Variants in PIK3R6 observed in about 807,000 individuals in gnomAD.
PIK3R6 encodes phosphoinositide 3-kinase regulatory subunit 6.
In PIK3R6, 91 loss-of-function variants were observed where a neutral mutation model predicts 84.9. The ratio of observed to expected loss-of-function variants is 1.07; its 90% CI spans 0.90 to 1.28. The LOEUF (loss-of-function observed/expected upper bound fraction) is 1.28. Among genes scored for constraint, PIK3R6 ranks in the 50% most tolerant of loss-of-function variants. The pLI is 0.00. For missense variants in PIK3R6, 996 were observed against 985.1 expected (o/e 1.01, Z -0.15); for synonymous variants, 416 against 411.4 (o/e 1.01, Z -0.13).
At chr17:8,864,853 C>T (rs754037454) in intron 1 of PIK3R6, among the ~76,000 whole-genome samples, 7 of 152,034 alleles carry the variant, frequency 4.6e-5, no homozygotes, top group Non-Finnish European at 8.8e-5. Flanking sequence ...CAGTTCCTGG[C>T]AGAGGGATGA....
At chr17:8,805,009 G>C (rs196449) in intron 18 of PIK3R6, among the ~76,000 whole-genome samples, 2,445 of 152,182 alleles carry the variant, frequency 0.016, 80 homozygotes, top group African/African-American at 0.056. Context: ...GAGTTGTTCA[G>C]TGTCATCTAG....
rs2089315713 is a variant in PIK3R6 at position 8,862,885 on chromosome 17, A to C, written c.-92+4644T>G. Among the ~76,000 whole-genome samples the C allele has an allele frequency of 6.6e-6, 1 of 152,114 alleles. No homozygotes were observed. Among genetic ancestry groups the C allele is most frequent in the Admixed American group, 6.5e-5 (1 of 15,278 alleles). ...GATGTCCTGTGGTCACTCCCCACCC[A>C]CTGTGCCCACTCACTTACACTGCCC... On this transcript the variant is annotated intron_variant, in intron 1 of 19. Transcript: ENST00000619866. The surrounding 1 kb of genome is among the most constrained non-coding windows in gnomAD (Gnocchi z 4.3).
chr17:8,849,933 G>A, intron 1 of PIK3R6, 48 bp from the exon 2 acceptor site: 2 of 1,157,202 alleles, frequency 1.7e-6, no homozygotes, highest in South Asian at 3.4e-5. Flanking sequence ...GGAAGGTGCA[G>A]AAAGCACCTT....
chr17:8,862,223 C>T lies in PIK3R6; in HGVS notation c.-92+5306G>A, dbSNP rs1034862159. Among the ~76,000 whole-genome samples the T allele has an allele frequency of 2.6e-5, 4 of 152,150 alleles. No homozygotes were observed. The highest frequency in any genetic ancestry group is 5.9e-5 in the Non-Finnish European group (4 of 68,028). On this transcript the variant is annotated intron_variant, in intron 1 of 19. Coordinates refer to ENST00000619866, the MANE Select transcript of PIK3R6 (RefSeq NM_001010855.4). The surrounding 1 kb of genome is among the most constrained non-coding windows in gnomAD (Gnocchi z 4.3). ...GGCTGCTGTCACTAAAATATAAGCT[C>T]CCCATGGGAAGGGGCTCCATTTTGC...
intron 8 of PIK3R6, 46 bp from the exon 9 acceptor site, chr17:8,833,091 C>A (rs138248130): frequency 1.3e-6 from 2 of 1,501,462 alleles, no homozygotes; most frequent in Non-Finnish European, 1.8e-6. Context: ...CCAGCGCCCA[C>A]GCACCCCAGC....
At chr17:8,804,014 A>G (rs1186737228) in intron 19 of PIK3R6, 27 bp downstream of exon 19, 27 of 1,584,740 alleles carry the variant, frequency 1.7e-5, no homozygotes, top group Non-Finnish European at 2.2e-5. Context: ...GGCCCTGGAC[A>G]TCTAGGGTTG....
At chr17:8,834,423 GTC>G (rs2088379515) in intron 8 of PIK3R6, among the ~76,000 whole-genome samples, 1 of 152,016 alleles carries the variant, frequency 6.6e-6, no homozygotes, top group South Asian at 2.1e-4. Context: ...GAGATGGGGT[GTC>G]TCTCTGTTAC....
At chr17:8,849,912 T>C (rs1479386057) in intron 1 of PIK3R6, 27 bp from the exon 2 acceptor site, 2 of 1,375,408 alleles carry the variant, frequency 1.5e-6, no homozygotes, top group Non-Finnish European at 9.9e-7. Flanking sequence ...AGTTAATTAG[T>C]GGAAGCAGTG....
At chr17:8,812,599 G>T (rs1464983314) in intron 18 of PIK3R6, among the ~76,000 whole-genome samples, 1 of 151,958 alleles carries the variant, frequency 6.6e-6, no homozygotes, top group South Asian at 2.1e-4. Flanking sequence ...AACACCAAGA[G>T]GAACCCTCAA....
At chr17:8,829,343 CACAG>C (rs930043393) in intron 10 of PIK3R6, among the ~76,000 whole-genome samples, 8 of 141,626 alleles carry the variant, frequency 5.6e-5, no homozygotes, top group African/African-American at 8.0e-5. Context: ...TGCAAGCACA[CACAG>C]ACACACTGAC....
intron 1 of PIK3R6, among the ~76,000 whole-genome samples, chr17:8,856,315 A>C (rs1174845180): frequency 6.6e-6 from 1 of 152,188 alleles, no homozygotes; most frequent in Admixed American, 6.5e-5. Flanking sequence ...CAAAATCAAG[A>C]TATTGGTCAG....
At chr17:8,837,914 A>G (rs774459496) in intron 4 of PIK3R6, 43 bp from the exon 5 acceptor site, 10 of 1,557,526 alleles carry the variant, frequency 6.4e-6, no homozygotes, top group Non-Finnish European at 8.9e-6. Flanking sequence ...GGCTGGGGGA[A>G]TCCCCACTTC....
At chr17:8,819,689 T>TATATATATATATATATAC (rs374733654) in intron 17 of PIK3R6, among the ~76,000 whole-genome samples, 1 of 135,886 alleles carries the variant, frequency 7.4e-6, no homozygotes, top group African/African-American at 2.9e-5. Flanking sequence ...TATATATATA[T>TATATATATATATATATAC]ACACACACAC....
intron 13 of PIK3R6, among the ~76,000 whole-genome samples, 189 bp from the exon 14 acceptor site, chr17:8,823,686 C>A (rs2151215630): frequency 6.6e-6 from 1 of 152,296 alleles, no homozygotes; most frequent in East Asian, 1.9e-4. Context: ...CTGTCCAGAG[C>A]CCTGCCTCCC....
intron 18 of PIK3R6, among the ~76,000 whole-genome samples, chr17:8,812,181 A>G (rs1048715749): frequency 2.0e-5 from 3 of 152,198 alleles, no homozygotes; most frequent in African/African-American, 7.2e-5. Flanking sequence ...AGAACAGCAC[A>G]GGAAAGACCT....
intron 9 of PIK3R6, among the ~76,000 whole-genome samples, chr17:8,831,812 G>T (rs139849323): frequency 2.0e-5 from 3 of 152,174 alleles, no homozygotes; most frequent in Admixed American, 6.5e-5. Context: ...GAATGACCAC[G>T]AAATAGGACC....
intron 1 of PIK3R6, among the ~76,000 whole-genome samples, chr17:8,863,986 G>A (rs2089343709): frequency 6.6e-6 from 1 of 152,218 alleles, no homozygotes; most frequent in Admixed American, 6.5e-5. Flanking sequence ...GGTGCCCAGT[G>A]TTTTTAAGGG....
At chr17:8,840,317 A>G (rs549205468) in intron 2 of PIK3R6, among the ~76,000 whole-genome samples, 13 of 138,402 alleles carry the variant, frequency 9.4e-5, no homozygotes, top group African/African-American at 3.2e-4. Context: ...TGAAATATAT[A>G]TAGCCTCCAA....
intron 18 of PIK3R6, among the ~76,000 whole-genome samples, chr17:8,816,811 A>T (rs77822615): frequency 0.023 from 3,450 of 152,340 alleles, 129 homozygotes; most frequent in African/African-American, 0.076. Flanking sequence ...CACTACAATC[A>T]GATTGGAACT....
Sources: allele counts gnomAD v4.1 joint callset (sites outside exome capture counted in the v4.1 genomes callset), GRCh38; gene constraint gnomAD v4.1.1; non-coding constraint Gnocchi (gnomAD v3.1); transcripts MANE v1.5; gene names NCBI Gene and HGNC (gene_info 2026-07-23, HGNC 2026-07-21).